Variants in ANO6 observed in about 807,000 individuals in gnomAD.
ANO6 encodes the protein anoctamin-6.
In ANO6, 106 loss-of-function variants were observed where a neutral mutation model predicts 117.5. That is an observed-to-expected ratio of 0.90 (90% CI 0.77 to 1.06). The LOEUF is 1.06. Among genes scored for constraint, ANO6 ranks in the 50% least tolerant of loss-of-function variants. ANO6 has a pLI of 0.00. For missense variants in ANO6, 955 were observed against 1,121.1 expected, an observed-to-expected ratio of 0.85 and a Z score of 2.12; for synonymous variants, 367 against 385.1, an observed-to-expected ratio of 0.95 and a Z score of 0.55.
chr12:45,424,174 T>C (rs1240481229), intron 19 of ANO6, among the ~76,000 whole-genome samples: 1 of 152,024 alleles, frequency 6.6e-6, no homozygotes, highest in Non-Finnish European at 1.5e-5. Flanking sequence ...GGCCTTCTCC[T>C]TTTGATATTG....
intron 15 of ANO6, among the ~76,000 whole-genome samples, chr12:45,407,987 G>A (rs558767879): frequency 6.6e-5 from 10 of 152,256 alleles, no homozygotes; most frequent in African/African-American, 2.4e-4. Flanking sequence ...GGTCAGAGAC[G>A]TCTCCTGTAG....
At chr12:45,286,175 T>C (rs1448424787) in intron 1 of ANO6, among the ~76,000 whole-genome samples, 2 of 152,194 alleles carry the variant, frequency 1.3e-5, no homozygotes, top group Non-Finnish European at 2.9e-5. Flanking sequence ...TATGAATTTA[T>C]AATTTTTTAA....
intron 1 of ANO6, among the ~76,000 whole-genome samples, chr12:45,295,457 G>A (rs568129935): frequency 1.3e-5 from 2 of 152,350 alleles, no homozygotes; most frequent in African/African-American, 4.8e-5. Flanking sequence ...AGTGATGTGG[G>A]GAGTGAGACT....
chr12:45,436,896 G>A (rs1943713309), downstream of ANO6, among the ~76,000 whole-genome samples: 1 of 152,148 alleles, frequency 6.6e-6, no homozygotes, highest in Non-Finnish European at 1.5e-5. Flanking sequence ...AACCTGGGAG[G>A]CAGAGGTTAC....
chr12:45,425,976 T>A (rs11183027), intron 19 of ANO6, among the ~76,000 whole-genome samples: 23,419 of 152,078 alleles, frequency 0.15, 2,772 homozygotes, highest in East Asian at 0.35. Flanking sequence ...AGACAACAAC[T>A]TCTAACAAAA....
chr12:45,364,800 CT>C (rs1941642709), intron 8 of ANO6, among the ~76,000 whole-genome samples: 2 of 152,110 alleles, frequency 1.3e-5, no homozygotes, highest in African/African-American at 2.4e-5. Context: ...TTACTGACTG[CT>C]TTTTCCTCTC....
intron 1 of ANO6, among the ~76,000 whole-genome samples, chr12:45,271,602 A>G (rs1215423135): frequency 6.6e-6 from 1 of 152,186 alleles, no homozygotes; most frequent in African/African-American, 2.4e-5. Context: ...CAGTGTACTT[A>G]GGATCATCCT....
chr12:45,236,663 A>G (rs1947650082), intron 1 of ANO6, among the ~76,000 whole-genome samples: 2 of 152,190 alleles, frequency 1.3e-5, no homozygotes, highest in African/African-American at 4.8e-5. Context: ...AGTCTTTGCT[A>G]TTGTGAATAG....
chr12:45,385,770 A>G (rs546518399), intron 10 of ANO6, among the ~76,000 whole-genome samples: 3 of 152,332 alleles, frequency 2.0e-5, no homozygotes, highest in African/African-American at 7.2e-5. Flanking sequence ...ATCACCCTCT[A>G]TATAAAACAC....
At chr12:45,314,124 G>A (rs1239455578) in intron 2 of ANO6, among the ~76,000 whole-genome samples, 1 of 152,012 alleles carries the variant, frequency 6.6e-6, no homozygotes, top group Non-Finnish European at 1.5e-5. Context: ...AGGCACTTAG[G>A]AAGTGCTAGA....
intron 1 of ANO6, among the ~76,000 whole-genome samples, chr12:45,222,832 A>G (rs762980548): frequency 2.0e-5 from 3 of 152,254 alleles, no homozygotes; most frequent in Admixed American, 2.0e-4. Context: ...CTGCACAGAG[A>G]TGCCAGAAAA....
chr12:45,438,787 T>C (rs1359271193), intron 19 of ANO6, among the ~76,000 whole-genome samples: 1 of 152,168 alleles, frequency 6.6e-6, no homozygotes, highest in Non-Finnish European at 1.5e-5. Flanking sequence ...CCTGGTGTCA[T>C]CTAGAGGCCC....
At chr12:45,327,462 C>G (rs1336784689) in intron 2 of ANO6, among the ~76,000 whole-genome samples, 1 of 152,140 alleles carries the variant, frequency 6.6e-6, no homozygotes, top group African/African-American at 2.4e-5. Context: ...TGCACAGATA[C>G]ATATGTACAA....
intron 8 of ANO6, among the ~76,000 whole-genome samples, chr12:45,362,923 G>A (rs1052651512): frequency 2.0e-5 from 3 of 152,004 alleles, no homozygotes; most frequent in Non-Finnish European, 2.9e-5. Context: ...AAATAAGATA[G>A]AAGAAAATAG....
At chr12:45,266,838 G>GTA (rs1261335622) in intron 1 of ANO6, among the ~76,000 whole-genome samples, 7 of 149,740 alleles carry the variant, frequency 4.7e-5, no homozygotes, top group African/African-American at 1.7e-4. Flanking sequence ...GTGTGTGTGT[G>GTA]TGTGTATAAT....
intron 3 of ANO6, among the ~76,000 whole-genome samples, chr12:45,336,698 A>G (rs1940835363): frequency 6.6e-6 from 1 of 152,122 alleles, no homozygotes; most frequent in Non-Finnish European, 1.5e-5. Flanking sequence ...ATAAATGACT[A>G]TGTTACTGGT....
chr12:45,322,057 A>G (rs149865002), intron 2 of ANO6, among the ~76,000 whole-genome samples: 2 of 152,120 alleles, frequency 1.3e-5, no homozygotes, highest in Admixed American at 1.3e-4. Context: ...ACCCACCATG[A>G]CTTTTGCACC....
chr12:45,305,428 T>A (rs1939637140), intron 2 of ANO6, among the ~76,000 whole-genome samples: 1 of 152,260 alleles, frequency 6.6e-6, no homozygotes, highest in Admixed American at 6.5e-5. Context: ...TTATTGTCTC[T>A]GACATTATTT....
At position 45,347,092 on chromosome 12, in the gene ANO6, G is replaced by A. The variant is rs1365748901; in HGVS notation, c.345+5G>A. The A allele has an allele frequency of 6.2e-6, 10 of 1,613,806 alleles. No individual in the cohort carries two copies. In the African/African-American group the frequency reaches 1.3e-4, roughly 22 times the overall value. On this transcript the variant is annotated splice_donor_5th_base_variant and intron_variant, in intron 4 of 19. Coordinates refer to ENST00000320560, the MANE Select transcript of ANO6 (RefSeq NM_001025356.3). Reference sequence around the variant, plus strand: ...CAGTTAGAAGCAACAAGATCAGTAAGTACTGGTCCCTTTTCAGCCCTCGGC... The same window carrying A: ...CAGTTAGAAGCAACAAGATCAGTAAATACTGGTCCCTTTTCAGCCCTCGGC...
Sources: allele counts gnomAD v4.1 joint callset (sites outside exome capture counted in the v4.1 genomes callset), GRCh38; gene constraint gnomAD v4.1.1; transcripts MANE v1.5; gene names NCBI Gene and HGNC (gene_info 2026-07-23, HGNC 2026-07-21).